The following TSPAN18 variants were observed in gnomAD, a reference collection of about 807,000 sequenced individuals.
TSPAN18 encodes tetraspanin-18.
TSPAN18 carries 14 observed loss-of-function variants against 27.3 expected under a neutral mutation model. That is an observed-to-expected ratio of 0.51 (90% CI 0.34 to 0.80). TSPAN18 has a LOEUF of 0.80. TSPAN18 is among the 30% of genes least tolerant of loss of function. The probability of loss-of-function intolerance (pLI) is 0.01; values close to 1 mark genes in which losing one functional copy is unlikely to be tolerated. For synonymous variants in TSPAN18, 143 were observed against 136.5 expected (o/e 1.05, Z -0.33); for missense variants, 268 against 323.9 (o/e 0.83, Z 1.32).
chr11:44,910,787 C>T (rs930260746), intron 5 of TSPAN18, among the ~76,000 whole-genome samples: 6 of 152,202 alleles, frequency 3.9e-5, no homozygotes, highest in Non-Finnish European at 8.8e-5. Flanking sequence ...CCTTCCCTCA[C>T]AGACAGGCAC....
intron 2 of TSPAN18, among the ~76,000 whole-genome samples, chr11:44,803,565 T>G (rs180899904): frequency 6.6e-6 from 1 of 152,022 alleles, no homozygotes; most frequent in Admixed American, 6.5e-5. Flanking sequence ...AGAGGAGGGA[T>G]TGAAGAAGTG....
chr11:44,836,589 T>C (rs1857268825), intron 2 of TSPAN18, among the ~76,000 whole-genome samples: 1 of 152,162 alleles, frequency 6.6e-6, no homozygotes, highest in Non-Finnish European at 1.5e-5. Context: ...CAACAGATTT[T>C]CAATGTAGAT....
rs1854716017 is a variant in TSPAN18, at chr11:44,733,568, C to G, written c.-240+6281C>G. Among the ~76,000 whole-genome samples the G allele has an allele frequency of 2.0e-5, 3 of 149,182 alleles. No homozygotes were observed. In the South Asian group the frequency reaches 6.5e-4, roughly 33 times the overall value. On this transcript the variant is annotated intron_variant, in intron 1 of 9. Transcript: ENST00000520358. ...AACCCACTTCTGCTCCTGTCTCCTC[C>G]CTGCATTCCTCAATAGGGTAGAGTA...
At chr11:44,798,346 A>G (rs1856398268) in intron 2 of TSPAN18, among the ~76,000 whole-genome samples, 1 of 150,412 alleles carries the variant, frequency 6.6e-6, no homozygotes, top group Non-Finnish European at 1.5e-5. Flanking sequence ...TACTGTCATC[A>G]CCATCCTCAT....
chr11:44,915,092 C>A (rs1859857007), intron 5 of TSPAN18, among the ~76,000 whole-genome samples: 1 of 152,198 alleles, frequency 6.6e-6, no homozygotes, highest in South Asian at 2.1e-4. Flanking sequence ...CTGTCCAGGC[C>A]GAGGCTGGTG....
At chr11:44,760,800 C>CT (rs944472110) in intron 1 of TSPAN18, among the ~76,000 whole-genome samples, 25 of 152,014 alleles carry the variant, frequency 1.6e-4, no homozygotes, top group African/African-American at 5.1e-4. Flanking sequence ...CTAAGGCACA[C>CT]TTTTTTTTAA....
chr11:44,819,726 C>CA (rs1856888771), intron 2 of TSPAN18, among the ~76,000 whole-genome samples: 1 of 146,658 alleles, frequency 6.8e-6, no homozygotes, highest in South Asian at 2.2e-4. Context: ...CTTTCCTTTC[C>CA]TTTTTTTTTT....
At chr11:44,920,502 G>A (rs566590958) in intron 8 of TSPAN18, among the ~76,000 whole-genome samples, 9 of 152,264 alleles carry the variant, frequency 5.9e-5, no homozygotes, top group East Asian at 3.9e-4. Context: ...GGACTTCCTC[G>A]CAGCCTTGGA....
Position 44,767,314 on chromosome 11 carries a change from G to T in TSPAN18, c.-153+2802G>T, listed in dbSNP as rs113943791. On this transcript the variant is annotated intron_variant, in intron 2 of 9. Transcript: ENST00000520358. ...GTTAATCCTACCCACACCCCAGAAG[G>T]CGAGCATTAATAAGCTATTTAAATG... Among the ~76,000 whole-genome samples, 2 of 152,150 alleles carry T rather than the reference G, an allele frequency of 1.3e-5. 1 individual carries two copies. The highest frequency in any genetic ancestry group is 4.1e-4 in the South Asian group (2 of 4,824).
chr11:44,739,705 T>C (rs1854884763), intron 1 of TSPAN18, among the ~76,000 whole-genome samples: 1 of 152,168 alleles, frequency 6.6e-6, no homozygotes, highest in African/African-American at 2.4e-5. Flanking sequence ...CAAGAGAATA[T>C]GGAAATAAAA....
intron 2 of TSPAN18, among the ~76,000 whole-genome samples, chr11:44,852,720 T>C (rs997484731): frequency 1.3e-5 from 2 of 152,212 alleles, no homozygotes; most frequent in South Asian, 2.1e-4. Context: ...TGAGGGTCCT[T>C]ATATAGTCTC....
intron 2 of TSPAN18, among the ~76,000 whole-genome samples, chr11:44,847,934 A>T (rs1471250603): frequency 1.3e-5 from 2 of 152,088 alleles, no homozygotes; most frequent in African/African-American, 4.8e-5. Context: ...CCTGGGTTCA[A>T]GCAATTTTCC....
At chr11:44,916,651 G>A (rs369414627) in intron 5 of TSPAN18, among the ~76,000 whole-genome samples, 19 of 152,248 alleles carry the variant, frequency 1.2e-4, no homozygotes, top group Admixed American at 1.1e-3. Flanking sequence ...CATGACACAC[G>A]AGGACAGACA....
In TSPAN18 at chr11:44,912,222, A is replaced by G. The variant is rs185592849; in HGVS notation, c.258+2323A>G. The stretch of plus-strand genomic sequence containing the variant: ...TTTTTTGTAGAAACAGGGTTTTACC[A>G]TGTTGCTCAGGCTGGTCTTGAACTC... On this transcript the variant is annotated intron_variant, in intron 5 of 9. Transcript: ENST00000520358. Among the ~76,000 whole-genome samples, 281 of 152,002 alleles carry G rather than the reference A, an allele frequency of 1.8e-3. 2 individuals are homozygous for G. Among genetic ancestry groups the G allele is most frequent in the African/African-American group, 6.5e-3 (268 of 41,452 alleles).
intron 2 of TSPAN18, among the ~76,000 whole-genome samples, chr11:44,819,854 A>T (rs2135118543): frequency 6.6e-6 from 1 of 152,170 alleles, no homozygotes; most frequent in East Asian, 1.9e-4. Context: ...TGGCTTACTT[A>T]TTACTTATTA....
At chr11:44,848,023 T>G (rs564054691) in intron 2 of TSPAN18, among the ~76,000 whole-genome samples, 1 of 151,908 alleles carries the variant, frequency 6.6e-6, no homozygotes, top group East Asian at 1.9e-4. Flanking sequence ...TTAGTAGAGA[T>G]AGGGGTTTCA....
intron 1 of TSPAN18, among the ~76,000 whole-genome samples, chr11:44,731,180 C>G (rs1264918208): frequency 6.6e-6 from 1 of 152,212 alleles, no homozygotes; most frequent in African/African-American, 2.4e-5. Flanking sequence ...CATTAGGAGA[C>G]TGGTGTTCCA....
intron 2 of TSPAN18, among the ~76,000 whole-genome samples, chr11:44,846,589 T>C (rs1316860151): frequency 1.6e-5 from 2 of 127,250 alleles, no homozygotes; most frequent in Non-Finnish European, 3.4e-5. Flanking sequence ...TCCAAGAGGC[T>C]GTCTGTGTGT....
intron 1 of TSPAN18, among the ~76,000 whole-genome samples, chr11:44,759,906 A>G (rs1855413211): frequency 6.6e-6 from 1 of 152,188 alleles, no homozygotes; most frequent in Non-Finnish European, 1.5e-5. Flanking sequence ...GCCTGTTGAG[A>G]GAGTGGGAAG....
Sources: allele counts gnomAD v4.1 joint callset (sites outside exome capture counted in the v4.1 genomes callset), GRCh38; gene constraint gnomAD v4.1.1; transcripts MANE v1.5; gene names NCBI Gene and HGNC (gene_info 2026-07-23, HGNC 2026-07-21).